The following CATSPERE variants were observed in gnomAD, a reference collection of about 807,000 sequenced individuals.
The protein encoded by CATSPERE is catsper channel auxiliary subunit epsilon, also known as cation channel sperm-associated auxiliary subunit epsilon.
Under a neutral mutation model 114.1 loss-of-function variants are expected in CATSPERE, and 93 were observed. The ratio of observed to expected loss-of-function variants is 0.81; its 90% CI spans 0.69 to 0.97. The LOEUF is 0.97. CATSPERE is among the 50% of genes least tolerant of loss of function. CATSPERE has a pLI of 0.00. For synonymous variants in CATSPERE, 341 were observed against 384.1 expected (o/e 0.89, Z 1.31); for missense variants, 1,058 against 1,131.6 (o/e 0.93, Z 0.93).
chr1:244,478,313 G>A (rs922707858), intron 4 of CATSPERE, among the ~76,000 whole-genome samples: 3 of 152,190 alleles, frequency 2.0e-5, no homozygotes, highest in African/African-American at 7.2e-5. Flanking sequence ...CTGAGATTAA[G>A]AGTAATTTCT....
At chr1:244,586,884 C>A (rs889127552) in intron 13 of CATSPERE, among the ~76,000 whole-genome samples, 1 of 152,162 alleles carries the variant, frequency 6.6e-6, no homozygotes, top group Non-Finnish European at 1.5e-5. Flanking sequence ...ACCCTGGTTA[C>A]AAGCAGCCAT....
At chr1:244,613,973 A>G (rs916801965) in intron 19 of CATSPERE, among the ~76,000 whole-genome samples, 51 of 152,260 alleles carry the variant, frequency 3.3e-4, no homozygotes, top group African/African-American at 1.2e-3. Context: ...CACAATAGGA[A>G]GAGAGACCTG....
At position 244,461,500 on chromosome 1, in the gene CATSPERE, G is replaced by C; in HGVS notation, c.65+6G>C. 1 of 1,314,470 alleles carries C rather than the reference G, an allele frequency of 7.6e-7. No homozygotes were observed. Among genetic ancestry groups the C allele is most frequent in the Non-Finnish European group, 9.8e-7 (1 of 1,022,904 alleles). The allele number at this position is 1,314,470 out of a possible 1,614,324, so 81.4% of individuals were successfully genotyped here. ...TATGGCTCCGCCCTTTGGAGGTAGA[G>C]AGACGCCAGTCGCAGGCGAGCGACT... On this transcript the variant is annotated splice_donor_region_variant and intron_variant, in intron 1 of 21. Coordinates refer to ENST00000366534, the MANE Select transcript of CATSPERE (RefSeq NM_001130957.2).
Position 244,640,314 on chromosome 1 carries a change from G to T in CATSPERE, c.*233G>T. ...TGCCTTCATTTTAAAGATACTCTAT[G>T]TACTCTCACATGGCATGAAAAAATA... is the stretch of plus-strand genomic sequence containing the variant. On this transcript the variant is annotated 3_prime_UTR_variant, in exon 22 of 22. Transcript: ENST00000366534. 1 of 322,384 alleles carries T rather than the reference G, an allele frequency of 3.1e-6. No individual in the cohort carries two copies. The highest frequency in any genetic ancestry group is 6.2e-5 in the East Asian group (1 of 16,196). The allele number at this position is 322,384 out of a possible 1,614,324, so 20.0% of individuals were successfully genotyped here. A position where few individuals can be genotyped will look rare whatever the true frequency, so the allele number is the denominator to read the frequency against.
In CATSPERE at chr1:244,491,451, A is replaced by G. The variant is rs573234574; in HGVS notation, c.351+980A>G. Among the ~76,000 whole-genome samples the G allele has an allele frequency of 2.7e-4, 41 of 152,196 alleles. No individual in the cohort carries two copies. In the East Asian group the frequency reaches 7.9e-3, roughly 29 times the overall value. On this transcript the variant is annotated intron_variant, in intron 6 of 21. Transcript: ENST00000366534. ...CTGGGACACATTCAAAGCAGTGTGT[A>G]GAGGGAAATTTATAGCACTAAATGC...
In CATSPERE at chr1:244,568,561, A is replaced by G. The variant is rs1362148323; in HGVS notation, c.1508-3769A>G. Among the ~76,000 whole-genome samples, 2 of 152,194 alleles carry G rather than the reference A, an allele frequency of 1.3e-5. No homozygotes were observed. Among genetic ancestry groups the G allele is most frequent in the East Asian group, 3.9e-4 (2 of 5,190 alleles). ...CTGCCCAGAGAGGAGGAATCTAGAG[A>G]GGCAGTCTGGCTATGGCAGCTGTGC... On this transcript the variant is annotated intron_variant, in intron 10 of 21. Transcript: ENST00000366534. The surrounding 1 kb of genome is among the most constrained non-coding windows in gnomAD (Gnocchi z 4.4).
intron 17 of CATSPERE, among the ~76,000 whole-genome samples, chr1:244,599,848 T>A (rs1267235945): frequency 2.0e-5 from 3 of 152,144 alleles, no homozygotes; most frequent in South Asian, 4.1e-4. Flanking sequence ...ATGAGAAGTT[T>A]ACAAGTAGAG....
At chr1:244,493,096 T>C (rs1672497818) in intron 6 of CATSPERE, among the ~76,000 whole-genome samples, 1 of 151,484 alleles carries the variant, frequency 6.6e-6, no homozygotes, top group African/African-American at 2.4e-5. Flanking sequence ...AAAAAACTAC[T>C]TTAAAGTTCA....
chr1:244,477,458 C>A, intron 2 of CATSPERE, 83 bp from the exon 3 acceptor site: 1 of 728,940 alleles, frequency 1.4e-6, no homozygotes, highest in Non-Finnish European at 2.4e-6. Context: ...AATTAGGACC[C>A]AGAAAATTGA....
chr1:244,593,330 G>GT, intron 15 of CATSPERE, 65 bp from the exon 16 acceptor site: 5 of 1,540,442 alleles, frequency 3.2e-6, no homozygotes, highest in Non-Finnish European at 4.5e-6. Context: ...CCTAAACAAA[G>GT]TCATGGGTTT....
At chr1:244,564,106 T>C (rs1663029767) in intron 10 of CATSPERE, among the ~76,000 whole-genome samples, 1 of 152,202 alleles carries the variant, frequency 6.6e-6, no homozygotes, top group South Asian at 2.1e-4. Context: ...GTTCCATTGG[T>C]CTATATATCT....
At chr1:244,628,953 A>C (rs1479671309) in intron 20 of CATSPERE, among the ~76,000 whole-genome samples, 3 of 152,168 alleles carry the variant, frequency 2.0e-5, no homozygotes, top group Admixed American at 6.5e-5. Flanking sequence ...TCATTTGAGC[A>C]CTTCTGACTT....
chr1:244,488,010 G>T (rs1446963364), intron 5 of CATSPERE, among the ~76,000 whole-genome samples: 1 of 152,152 alleles, frequency 6.6e-6, no homozygotes, highest in Non-Finnish European at 1.5e-5. Context: ...ACACTAGAAA[G>T]AATTCATGAA....
At chr1:244,613,498 T>C (rs1344444481) in intron 19 of CATSPERE, among the ~76,000 whole-genome samples, 1 of 152,212 alleles carries the variant, frequency 6.6e-6, no homozygotes, top group Non-Finnish European at 1.5e-5. Flanking sequence ...ATGCCACTTA[T>C]GATTAAAATG....
chr1:244,530,287 A>T (rs909342702), intron 8 of CATSPERE, among the ~76,000 whole-genome samples: 3 of 152,024 alleles, frequency 2.0e-5, no homozygotes, highest in African/African-American at 4.8e-5. Context: ...CCTTTCCCCA[A>T]TATATGTGCT....
At chr1:244,526,649 T>C (rs1307651673) in intron 8 of CATSPERE, among the ~76,000 whole-genome samples, 1 of 140,272 alleles carries the variant, frequency 7.1e-6, no homozygotes, top group African/African-American at 3.0e-5. Flanking sequence ...TTAGTCTTTT[T>C]CTTTTTTTTT....
intron 6 of CATSPERE, among the ~76,000 whole-genome samples, chr1:244,492,063 A>G (rs1469401593): frequency 6.6e-6 from 1 of 152,220 alleles, no homozygotes; most frequent in African/African-American, 2.4e-5. Flanking sequence ...CAATCAATAG[A>G]AAAAGAGGGA....
intron 2 of CATSPERE, among the ~76,000 whole-genome samples, chr1:244,470,969 T>C (rs542983780): frequency 1.8e-4 from 27 of 152,290 alleles, no homozygotes; most frequent in African/African-American, 6.3e-4. Context: ...TAGGCAAATG[T>C]ATAGAGACAG....
At chr1:244,606,913 G>C (rs561301334) in intron 18 of CATSPERE, among the ~76,000 whole-genome samples, 1 of 151,834 alleles carries the variant, frequency 6.6e-6, no homozygotes, top group Non-Finnish European at 1.5e-5. Flanking sequence ...TTGTCTTTCA[G>C]TTATGTAACC....
Sources: allele counts gnomAD v4.1 joint callset (sites outside exome capture counted in the v4.1 genomes callset), GRCh38; gene constraint gnomAD v4.1.1; non-coding constraint Gnocchi (gnomAD v3.1); transcripts MANE v1.5; gene names NCBI Gene and HGNC (gene_info 2026-07-23, HGNC 2026-07-21).